Variants in TMEM132D observed in about 807,000 individuals in gnomAD.
TMEM132D encodes the protein transmembrane protein 132D, also known as mature OL transmembrane protein.
In TMEM132D, 21 loss-of-function variants were observed where a neutral mutation model predicts 62.3. The observed-to-expected ratio is 0.34, with a 90% CI of 0.24 to 0.49. TMEM132D has a LOEUF of 0.49. Ranked by LOEUF, TMEM132D falls within the 20% of genes least tolerant of loss-of-function variation. The pLI is 0.99. For missense variants in TMEM132D, 1,346 were observed against 1,402.8 expected (o/e 0.96, Z 0.65); for synonymous variants, 621 against 575.6 (o/e 1.08, Z -1.13).
At chr12:129,619,485 T>G (rs947569313) in intron 2 of TMEM132D, among the ~76,000 whole-genome samples, 10 of 152,212 alleles carry the variant, frequency 6.6e-5, no homozygotes, top group African/African-American at 2.4e-4. Context: ...AATTTCCCTA[T>G]GTCTACATAA....
At position 129,103,381 on chromosome 12, in the gene TMEM132D, C is replaced by G. The variant is rs148116010; in HGVS notation, c.1444-18679G>C. On this transcript the variant is annotated intron_variant, in intron 5 of 8. Transcript: ENST00000422113. ...CTCCCTCATGGACAATACCATCAGCCAGCCCATGCCCCCACCTCGGAGGCC... is the reference window on the plus strand; with the variant it reads ...CTCCCTCATGGACAATACCATCAGCGAGCCCATGCCCCCACCTCGGAGGCC... 1.1e-3 allele frequency among the ~76,000 whole-genome samples: 169 copies of G among 152,334 alleles called. 3 individuals are homozygous for G. The East Asian group carries it at 0.026, about 24-fold the overall frequency.
intron 3 of TMEM132D, among the ~76,000 whole-genome samples, chr12:129,488,260 T>C (rs1297442256): frequency 6.6e-6 from 1 of 152,220 alleles, no homozygotes; most frequent in East Asian, 1.9e-4. Context: ...TCTTACCCTA[T>C]GCCCCTTTCT....
intron 3 of TMEM132D, among the ~76,000 whole-genome samples, chr12:129,452,137 C>A (rs777683493): frequency 1.3e-5 from 2 of 152,148 alleles, no homozygotes; most frequent in Non-Finnish European, 2.9e-5. Flanking sequence ...TAGATGATAC[C>A]TTTACACCGT....
At chr12:129,621,333 C>T (rs1593092725) in intron 2 of TMEM132D, among the ~76,000 whole-genome samples, 1 of 152,276 alleles carries the variant, frequency 6.6e-6, no homozygotes, top group South Asian at 2.1e-4. Context: ...CTGCCATCAC[C>T]CTGGCCCTCT....
intron 5 of TMEM132D, among the ~76,000 whole-genome samples, chr12:129,183,944 A>G (rs1878146989): frequency 6.6e-6 from 1 of 152,150 alleles, no homozygotes; most frequent in Non-Finnish European, 1.5e-5. Context: ...GTTGTCTCCG[A>G]AACAAAGGTG....
intron 1 of TMEM132D, among the ~76,000 whole-genome samples, chr12:129,834,241 G>A (rs574302476): frequency 1.8e-4 from 28 of 151,932 alleles, no homozygotes; most frequent in Middle Eastern, 3.4e-3. Flanking sequence ...CCTCCTCCAA[G>A]TATGCACTTA....
chr12:129,638,560 T>A (rs1174371309), intron 2 of TMEM132D, among the ~76,000 whole-genome samples: 1 of 45,858 alleles, frequency 2.2e-5, no homozygotes, highest in Non-Finnish European at 5.2e-5. Context: ...TATATAAATA[T>A]ATAAACATAT....
chr12:129,266,087 C>T (rs866936869), intron 4 of TMEM132D, among the ~76,000 whole-genome samples: 4 of 151,050 alleles, frequency 2.6e-5, no homozygotes, highest in South Asian at 4.2e-4. Flanking sequence ...TCTATGTAGA[C>T]TTCTCTTGTG....
chr12:129,289,626 T>C (rs1008285749), intron 4 of TMEM132D, among the ~76,000 whole-genome samples: 4 of 150,526 alleles, frequency 2.7e-5, no homozygotes, highest in East Asian at 3.9e-4. Flanking sequence ...CTTGCTGCAA[T>C]TGAAAAATCC....
intron 1 of TMEM132D, among the ~76,000 whole-genome samples, chr12:129,733,609 T>C (rs1317191681): frequency 2.0e-5 from 3 of 151,700 alleles, no homozygotes; most frequent in Non-Finnish European, 4.4e-5. Flanking sequence ...TGGTTGTTTA[T>C]GTAGCATTAG....
At chr12:129,475,752 C>T (rs1874235607) in intron 3 of TMEM132D, among the ~76,000 whole-genome samples, 1 of 152,188 alleles carries the variant, frequency 6.6e-6, no homozygotes, top group African/African-American at 2.4e-5. Flanking sequence ...AGCAGAGCTG[C>T]AGGACACAGT....
intron 3 of TMEM132D, among the ~76,000 whole-genome samples, chr12:129,400,403 T>C (rs1871585704): frequency 6.6e-6 from 1 of 152,174 alleles, no homozygotes; most frequent in Admixed American, 6.6e-5. Context: ...TGTTTTGTTT[T>C]GTTTTAGGCT....
chr12:129,896,090 C>T (rs1198121027), intron 1 of TMEM132D, among the ~76,000 whole-genome samples: 1 of 151,942 alleles, frequency 6.6e-6, no homozygotes, highest in East Asian at 1.9e-4. Context: ...CCACCTTAGC[C>T]TCCAGAGTAG....
At chr12:129,789,383 C>G (rs1478062097) in intron 1 of TMEM132D, among the ~76,000 whole-genome samples, 1 of 152,090 alleles carries the variant, frequency 6.6e-6, no homozygotes, top group East Asian at 1.9e-4. Context: ...AGGTTGCTAC[C>G]CATAGGAAAA....
chr12:129,435,218 T>C (rs1243568528), intron 3 of TMEM132D, among the ~76,000 whole-genome samples: 2 of 152,202 alleles, frequency 1.3e-5, no homozygotes, highest in African/African-American at 2.4e-5. Context: ...CATTGATCTG[T>C]TGATGGACAC....
In TMEM132D at chr12:129,235,413, T is replaced by A. The variant is rs568403705; in HGVS notation, c.1300-25750A>T. The stretch of plus-strand genomic sequence containing the variant: ...AGCCCCTAATGGGTTTTTTTTTTTT[T>A]ATTATAGCTTTGCATTTTCTGGAAA... On this transcript the variant is annotated intron_variant, in intron 4 of 8. Coordinates refer to ENST00000422113, the MANE Select transcript of TMEM132D (RefSeq NM_133448.3). Among the ~76,000 whole-genome samples the A allele has an allele frequency of 1.9e-3, 289 of 150,844 alleles. 1 individual carries two copies. Among genetic ancestry groups the A allele is most frequent in the Non-Finnish European group, 3.3e-3 (224 of 67,690 alleles).
At chr12:129,874,516 G>A (rs1874351837) in intron 1 of TMEM132D, among the ~76,000 whole-genome samples, 2 of 147,822 alleles carry the variant, frequency 1.4e-5, no homozygotes, top group South Asian at 2.3e-4. Flanking sequence ...CAATGCATAT[G>A]TATATCAAAT....
intron 2 of TMEM132D, among the ~76,000 whole-genome samples, chr12:129,627,395 C>T (rs1879250258): frequency 6.6e-6 from 1 of 152,084 alleles, no homozygotes; most frequent in Non-Finnish European, 1.5e-5. Context: ...ATAGGCTATA[C>T]CATATAGAGT....
rs140190538 is a variant in TMEM132D at position 129,889,265 on chromosome 12, A to G, written c.79+13996T>C. ...CTGGTAGTGTTGACCAGATACCTAT[A>G]TGTTCTTCTACGTTCCCCAGTCCTC... On this transcript the variant is annotated intron_variant, in intron 1 of 8. Transcript: ENST00000422113. Among the ~76,000 whole-genome samples the G allele has an allele frequency of 2.6e-3, 393 of 152,246 alleles. 2 individuals are homozygous for G. Among genetic ancestry groups the G allele is most frequent in the African/African-American group, 8.0e-3 (332 of 41,542 alleles).
Sources: allele counts gnomAD v4.1 joint callset (sites outside exome capture counted in the v4.1 genomes callset), GRCh38; gene constraint gnomAD v4.1.1; transcripts MANE v1.5; gene names NCBI Gene and HGNC (gene_info 2026-07-23, HGNC 2026-07-21).